The following MAP3K5 variants were observed in gnomAD, a reference collection of about 807,000 sequenced individuals.
The protein encoded by MAP3K5 is ASK-1.
MAP3K5 carries 56 observed loss-of-function variants against 158.7 expected under a neutral mutation model. The ratio of observed to expected loss-of-function variants is 0.35; its 90% confidence interval spans 0.28 to 0.44. The LOEUF (loss-of-function observed/expected upper bound fraction) is 0.44, where lower values mean the gene tolerates loss of function less well. Ranked by LOEUF, MAP3K5 falls within the 20% of genes least tolerant of loss-of-function variation. MAP3K5 has a pLI of 1.00. For synonymous variants in MAP3K5, 579 were observed against 601.7 expected (o/e 0.96, Z 0.55); for missense variants, 1,294 against 1,674.8 (o/e 0.77, Z 3.97).
intron 9 of MAP3K5, 48 bp from the exon 10 acceptor site, chr6:136,656,508 C>A (rs1342633869): frequency 5.2e-5 from 64 of 1,226,144 alleles, no homozygotes; most frequent in Non-Finnish European, 7.1e-5. Flanking sequence ...TTTAGAACCA[C>A]CTGTTCCCAT....
intron 14 of MAP3K5, among the ~76,000 whole-genome samples, chr6:136,630,581 C>T (rs919937362): frequency 1.3e-5 from 2 of 152,210 alleles, no homozygotes; most frequent in Non-Finnish European, 2.9e-5. Context: ...AATACATCTG[C>T]CATTTATTTC....
intron 1 of MAP3K5, among the ~76,000 whole-genome samples, chr6:136,732,420 G>A (rs980604326): frequency 1.8e-4 from 27 of 152,010 alleles, no homozygotes; most frequent in African/African-American, 5.6e-4. Context: ...GCGAGGCTCC[G>A]TCTCAAACAA....
intron 2 of MAP3K5, among the ~76,000 whole-genome samples, chr6:136,714,301 G>T (rs537305345): frequency 1.3e-5 from 2 of 152,070 alleles, no homozygotes; most frequent in South Asian, 4.1e-4. Flanking sequence ...TTTACAAACT[G>T]GTATAATCAT....
intron 1 of MAP3K5, among the ~76,000 whole-genome samples, chr6:136,742,813 C>T (rs1782767302): frequency 6.6e-6 from 1 of 152,140 alleles, no homozygotes; most frequent in African/African-American, 2.4e-5. Context: ...AATAAGAAAA[C>T]AAACGATGAG....
chr6:136,741,301 T>C (rs1402516509), intron 1 of MAP3K5, among the ~76,000 whole-genome samples: 1 of 152,148 alleles, frequency 6.6e-6, no homozygotes, highest in African/African-American at 2.4e-5. Context: ...TACAATTTAT[T>C]ATGCATACAA....
chr6:136,616,728 A>G (rs964926950), intron 15 of MAP3K5, among the ~76,000 whole-genome samples: 3 of 151,512 alleles, frequency 2.0e-5, no homozygotes, highest in African/African-American at 7.3e-5. Context: ...GATGATGATG[A>G]TGGTGATGAT....
At chr6:136,746,432 G>A (rs1013842881) in intron 1 of MAP3K5, among the ~76,000 whole-genome samples, 1 of 152,162 alleles carries the variant, frequency 6.6e-6, no homozygotes, top group African/African-American at 2.4e-5. Context: ...GAATTTCTAT[G>A]TACTGTTCTA....
chr6:136,659,183 T>C (rs1263408326), intron 9 of MAP3K5, 36 bp downstream of exon 9: 2 of 1,540,476 alleles, frequency 1.3e-6, no homozygotes, highest in African/African-American at 1.4e-5. Flanking sequence ...TGGAGCTGTT[T>C]ATTAATTGTA....
intron 1 of MAP3K5, among the ~76,000 whole-genome samples, chr6:136,768,384 A>T (rs9402845): frequency 2.0e-4 from 31 of 151,998 alleles, no homozygotes; most frequent in Non-Finnish European, 3.1e-4. Context: ...AAAAATAAGC[A>T]AAGAATCTGA....
intron 1 of MAP3K5, among the ~76,000 whole-genome samples, chr6:136,747,550 G>T (rs1783015700): frequency 6.6e-6 from 1 of 152,242 alleles, no homozygotes; most frequent in Non-Finnish European, 1.5e-5. Context: ...GAAGCCTGGT[G>T]CATGTTTAGC....
intron 1 of MAP3K5, among the ~76,000 whole-genome samples, chr6:136,787,151 C>T (rs1784886384): frequency 6.6e-6 from 1 of 152,064 alleles, no homozygotes; most frequent in Non-Finnish European, 1.5e-5. Flanking sequence ...TAGCTTGAGC[C>T]CAGGAAATTG....
intron 26 of MAP3K5, among the ~76,000 whole-genome samples, chr6:136,567,121 C>A (rs945301925): frequency 6.6e-6 from 1 of 152,306 alleles, no homozygotes. Context: ...GCAAATTATA[C>A]TCCAGATATG....
At chr6:136,763,121 T>G (rs1166481401) in intron 1 of MAP3K5, among the ~76,000 whole-genome samples, 1 of 152,182 alleles carries the variant, frequency 6.6e-6, no homozygotes, top group Non-Finnish European at 1.5e-5. Flanking sequence ...GCCTCTCAAA[T>G]AGCTGGGACC....
At chr6:136,581,065 A>T (rs2129075314) in intron 24 of MAP3K5, among the ~76,000 whole-genome samples, 1 of 152,170 alleles carries the variant, frequency 6.6e-6, no homozygotes, top group Middle Eastern at 3.4e-3. Flanking sequence ...CATCCACAGA[A>T]CTCTTTATCT....
chr6:136,767,844 G>C (rs80335034), intron 1 of MAP3K5, among the ~76,000 whole-genome samples: 1,604 of 152,278 alleles, frequency 0.011, 29 homozygotes, highest in African/African-American at 0.036. Context: ...CAAAAACATA[G>C]ATCAATGGAA....
At chr6:136,734,720 T>G (rs1037773835) in intron 1 of MAP3K5, among the ~76,000 whole-genome samples, 1 of 152,216 alleles carries the variant, frequency 6.6e-6, no homozygotes, top group African/African-American at 2.4e-5. Flanking sequence ...CTATGTCATT[T>G]GTTTTTTTGG....
intron 9 of MAP3K5, among the ~76,000 whole-genome samples, chr6:136,657,310 A>T (rs1463756181): frequency 6.6e-6 from 1 of 152,218 alleles, no homozygotes; most frequent in Non-Finnish European, 1.5e-5. Context: ...CGCTTTATGG[A>T]CTATAAACAT....
chr6:136,678,479 T>C (rs1217943690), intron 7 of MAP3K5, among the ~76,000 whole-genome samples: 1 of 152,100 alleles, frequency 6.6e-6, no homozygotes, highest in African/African-American at 2.4e-5. Context: ...ATGAACAATA[T>C]GTAAATCTAT....
intron 7 of MAP3K5, among the ~76,000 whole-genome samples, chr6:136,682,225 T>C (rs1779967749): frequency 6.6e-6 from 1 of 152,092 alleles, no homozygotes; most frequent in Non-Finnish European, 1.5e-5. Flanking sequence ...CATCCAAAAT[T>C]TGGGGACTCA....
Sources: gnomAD v4.1 joint callset for allele counts (sites outside exome capture counted in the v4.1 genomes callset) on GRCh38, gnomAD v4.1.1 for gene constraint, MANE v1.5 for transcripts, NCBI Gene and HGNC (gene_info 2026-07-23, HGNC 2026-07-21) for gene names.